Variants in GSG1L observed in about 807,000 individuals in gnomAD.
GSG1L encodes the protein GSG1 like.
In GSG1L, 24 loss-of-function variants were observed where a neutral mutation model predicts 42.1. That is an observed-to-expected ratio of 0.57 (90% confidence interval 0.41 to 0.80). GSG1L has a LOEUF of 0.80. GSG1L is among the 30% of genes least tolerant of loss of function. The probability of loss-of-function intolerance (pLI) is 0.00; values close to 1 mark genes in which losing one functional copy is unlikely to be tolerated. For missense variants in GSG1L, 445 were observed against 472.2 expected (o/e 0.94, Z 0.53); for synonymous variants, 215 against 203.5 (o/e 1.06, Z -0.48).
intron 3 of GSG1L, among the ~76,000 whole-genome samples, chr16:27,848,745 G>A (rs1422675434): frequency 6.6e-6 from 1 of 151,844 alleles, no homozygotes; most frequent in Non-Finnish European, 1.5e-5. Flanking sequence ...TGGTTAGGGA[G>A]AGCATCTCAG....
At position 27,861,807 on chromosome 16, in the gene GSG1L, T is replaced by C. The variant is rs553859244; in HGVS notation, c.551-16746A>G. ...CAGACACCCACGTCTTGTTATTTGT[T>C]ACTATCTCAGGGCTCAGATTCCAGT... On this transcript the variant is annotated intron_variant, in intron 3 of 6. Coordinates refer to ENST00000447459, the MANE Select transcript of GSG1L (RefSeq NM_001109763.2). Among the ~76,000 whole-genome samples the C allele has an allele frequency of 1.2e-3, 190 of 152,282 alleles. 3 individuals are homozygous for C. The highest frequency in any genetic ancestry group is 3.2e-4 in the Non-Finnish European group (22 of 68,012).
At chr16:27,948,273 C>A (rs972763097) in intron 2 of GSG1L, among the ~76,000 whole-genome samples, 1 of 152,208 alleles carries the variant, frequency 6.6e-6, no homozygotes, top group Admixed American at 6.5e-5. Flanking sequence ...CCATCCATAA[C>A]CTAGTGTAAC....
intron 5 of GSG1L, among the ~76,000 whole-genome samples, chr16:27,809,766 G>T (rs2140946140): frequency 6.6e-6 from 1 of 152,160 alleles, no homozygotes; most frequent in East Asian, 1.9e-4. Flanking sequence ...CAGTGTCCTT[G>T]GTGGGGCATG....
chr16:27,847,613 T>C lies in GSG1L; in HGVS notation c.551-2552A>G, dbSNP rs772966. ...GTCACTGATATGGTGTGGATCTGTG[T>C]CCCCACCCAAATCTCTCACCGAATT... is the stretch of plus-strand genomic sequence containing the variant. On this transcript the variant is annotated intron_variant, in intron 3 of 6. Transcript: ENST00000447459. Among the ~76,000 whole-genome samples, 1,440 of 152,268 alleles carry C rather than the reference T, an allele frequency of 9.5e-3. 7 individuals carry two copies. The highest frequency in any genetic ancestry group is 0.015 in the Non-Finnish European group (1,019 of 68,024).
intron 4 of GSG1L, among the ~76,000 whole-genome samples, chr16:27,833,663 G>A (rs528390214): frequency 2.6e-5 from 4 of 152,116 alleles, no homozygotes; most frequent in African/African-American, 9.6e-5. Flanking sequence ...TACAAGTCCT[G>A]TAAGTGTTTT....
At chr16:27,887,104 C>A (rs1334630618) in intron 2 of GSG1L, among the ~76,000 whole-genome samples, 14 of 152,006 alleles carry the variant, frequency 9.2e-5, no homozygotes, top group Non-Finnish European at 1.6e-4. Flanking sequence ...TACAGGCATG[C>A]ACCACCATGC....
At chr16:27,804,736 G>A (rs553469260) in intron 6 of GSG1L, among the ~76,000 whole-genome samples, 1 of 60,056 alleles carries the variant, frequency 1.7e-5, no homozygotes, top group African/African-American at 7.4e-5. Context: ...GCGGATGTGG[G>A]GGCTGAGATT....
Position 27,884,399 on chromosome 16 carries a change from C to T in GSG1L, c.550+87G>A. On this transcript the variant is annotated intron_variant, in intron 3 of 6. Coordinates refer to ENST00000447459, the MANE Select transcript of GSG1L (RefSeq NM_001109763.2). The surrounding 1 kb of genome is among the most constrained non-coding windows in gnomAD (Gnocchi z 4.4). ...AAGAGAAGCAATTTGTCCAATGCCTCCCGGTTGGTACAACCAGGGCTTACT... is the reference window on the plus strand; with the variant it reads ...AAGAGAAGCAATTTGTCCAATGCCTTCCGGTTGGTACAACCAGGGCTTACT... 3 of 1,291,034 alleles carry T rather than the reference C, an allele frequency of 2.3e-6. No homozygotes were observed. The highest frequency in any genetic ancestry group is 3.2e-6 in the Non-Finnish European group (3 of 949,764). 80.0% of individuals were successfully genotyped at this position (1,291,034 alleles called of 1,614,324 possible). A position where few individuals can be genotyped will look rare whatever the true frequency, so the allele number is the denominator to read the frequency against.
chr16:27,941,764 A>T (rs1364267533), intron 2 of GSG1L, among the ~76,000 whole-genome samples: 1 of 152,154 alleles, frequency 6.6e-6, no homozygotes, highest in African/African-American at 2.4e-5. Context: ...ATGCGATGGC[A>T]TATTAGCCTT....
intron 1 of GSG1L, among the ~76,000 whole-genome samples, chr16:28,016,669 G>A (rs1223867648): frequency 6.6e-6 from 1 of 152,206 alleles, no homozygotes; most frequent in African/African-American, 2.4e-5. Flanking sequence ...CTATGCAGAT[G>A]AGAACTGCTA....
intron 2 of GSG1L, among the ~76,000 whole-genome samples, chr16:27,927,311 A>C (rs1002155732): frequency 6.6e-6 from 1 of 151,298 alleles, no homozygotes; most frequent in East Asian, 1.9e-4. Flanking sequence ...CTAATTTTTC[A>C]ATTTTTTTGT....
chr16:28,063,238 C>G lies in GSG1L; in HGVS notation c.187G>C (p.Gly63Arg). 3.1e-6 allele frequency: 4 copies of G among 1,275,412 alleles called. No homozygotes were observed. Among genetic ancestry groups the G allele is most frequent in the Non-Finnish European group, 3.0e-6 (3 of 1,012,480 alleles). The allele number at this position is 1,275,412 out of a possible 1,614,324, so 79.0% of individuals were successfully genotyped here. A position where few individuals can be genotyped will look rare whatever the true frequency, so the allele number is the denominator to read the frequency against. ...GCGGCGGCGGCGGGGGCGGCGGTGC[C>G]GTTGGCCGTGGCGTTGGCGCCCGAG... ...PNSGANATAN[G>R]TAAPAAAAAA... The change falls in exon 1 of 7, where the codon GGC becomes CGC. Residue 63 changes from glycine (G) to arginine (R), a missense_variant. Physicochemically the swap from Gly to Arg is moderately radical, Grantham distance 125. Coordinates refer to ENST00000447459, the MANE Select transcript of GSG1L (RefSeq NM_001109763.2). This position sits in a 1 kb window ranked among gnomAD's most constrained non-coding sequence, Gnocchi z 5.8.
intron 6 of GSG1L, among the ~76,000 whole-genome samples, chr16:27,798,756 G>A (rs2082848926): frequency 6.6e-6 from 1 of 152,094 alleles, no homozygotes; most frequent in African/African-American, 2.4e-5. Context: ...TGCCCCAAGT[G>A]TTTCTTAGGG....
At chr16:27,892,715 G>A (rs1486539375) in intron 2 of GSG1L, among the ~76,000 whole-genome samples, 10 of 150,992 alleles carry the variant, frequency 6.6e-5, no homozygotes, top group East Asian at 1.9e-4. Context: ...CCTTGAACCC[G>A]GGAGGTGGAG....
intron 2 of GSG1L, among the ~76,000 whole-genome samples, chr16:27,955,750 A>T (rs1373644136): frequency 1.3e-5 from 2 of 152,174 alleles, no homozygotes; most frequent in Non-Finnish European, 2.9e-5. Context: ...CCTGGGATCC[A>T]GGAAGCAGTG....
At chr16:27,882,772 C>T (rs906277531) in intron 3 of GSG1L, among the ~76,000 whole-genome samples, 2 of 152,140 alleles carry the variant, frequency 1.3e-5, no homozygotes, top group African/African-American at 4.8e-5. Flanking sequence ...GAGGTCAACA[C>T]ACCAAGTTAG....
At chr16:28,025,301 C>T (rs1205827216) in intron 1 of GSG1L, among the ~76,000 whole-genome samples, 1 of 152,148 alleles carries the variant, frequency 6.6e-6, no homozygotes, top group African/African-American at 2.4e-5. Context: ...CAGCTAGGGC[C>T]AGGAGGCTCG....
At chr16:27,896,150 G>A (rs2084189811) in intron 2 of GSG1L, among the ~76,000 whole-genome samples, 1 of 152,146 alleles carries the variant, frequency 6.6e-6, no homozygotes, top group African/African-American at 2.4e-5. Flanking sequence ...CCAATGGGTG[G>A]GGCATGCTGG....
At chr16:28,058,086 A>G (rs2086299035) in intron 1 of GSG1L, among the ~76,000 whole-genome samples, 2 of 152,214 alleles carry the variant, frequency 1.3e-5, no homozygotes, top group South Asian at 4.1e-4. Flanking sequence ...TGCTCCGCCC[A>G]ACGAGCCTGG....
Sources: allele counts gnomAD v4.1 joint callset (sites outside exome capture counted in the v4.1 genomes callset), GRCh38; gene constraint gnomAD v4.1.1; non-coding constraint Gnocchi (gnomAD v3.1); transcripts MANE v1.5; gene names NCBI Gene and HGNC (gene_info 2026-07-23, HGNC 2026-07-21).